The following RASSF3 variants were observed in gnomAD, a reference collection of about 807,000 sequenced individuals.
RASSF3 encodes the protein ras association domain-containing protein 3.
RASSF3 carries 19 observed loss-of-function variants against 19.9 expected under a neutral mutation model. The observed-to-expected ratio is 0.96, with a 90% CI of 0.67 to 1.40. The LOEUF (loss-of-function observed/expected upper bound fraction) is 1.40. Ranked by LOEUF, RASSF3 falls within the 40% of genes most tolerant of loss-of-function variation. The probability of loss-of-function intolerance (pLI) is 0.00; values close to 1 mark genes in which losing one functional copy is unlikely to be tolerated. For synonymous variants in RASSF3, 110 were observed against 104.2 expected (o/e 1.06, Z -0.34); for missense variants, 306 against 289.8 (o/e 1.06, Z -0.41).
chr12:64,690,930 G>A (rs1254065132), intron 3 of RASSF3, among the ~76,000 whole-genome samples: 1 of 151,576 alleles, frequency 6.6e-6, no homozygotes, highest in Non-Finnish European at 1.5e-5. Context: ...GCACGATCTC[G>A]GCTCACTCCA....
rs548383249 is a variant in RASSF3, at chr12:64,581,799, T to G, written c.294+40094T>G. 1.2e-3 allele frequency among the ~76,000 whole-genome samples: 177 copies of G among 147,422 alleles called. 7 individuals are homozygous for G. Among genetic ancestry groups the G allele is most frequent in the African/African-American group, 4.4e-3 (171 of 38,940 alleles). On this transcript the variant is annotated intron_variant, in intron 2 of 5. Coordinates refer to the RASSF3 transcript ENST00000637125. ...TCAAAAGAGATTGACCTTTTTTTTT[T>G]GTTTTTCTTTTTTGTTTCTTCTTTT...
chr12:64,507,318 G>C, exon 1 of RASSF3: 1 of 398,620 alleles, frequency 2.5e-6, no homozygotes, highest in Admixed American at 4.4e-5. Context: ...CTGCTCTGGA[G>C]CCAAGGTGGG....
At chr12:64,601,900 G>A (rs765550107) in intron 2 of RASSF3, among the ~76,000 whole-genome samples, 4 of 151,994 alleles carry the variant, frequency 2.6e-5, no homozygotes, top group Middle Eastern at 3.2e-3. Flanking sequence ...GGCAGATCAC[G>A]AGGTCAGGAG....
At chr12:64,533,153 G>A (rs1048400364), upstream of RASSF3, 2 of 152,330 alleles carry the variant, frequency 1.3e-5, no homozygotes, top group African/African-American at 4.8e-5. Context: ...GAGAGGCCGA[G>A]GGCCTGCTCC....
chr12:64,587,625 C>G (rs1303859168), intron 2 of RASSF3, among the ~76,000 whole-genome samples: 2 of 152,104 alleles, frequency 1.3e-5, no homozygotes, highest in Non-Finnish European at 2.9e-5. Context: ...CCGTCTTCCT[C>G]TCTTTTTCAC....
intron 1 of RASSF3, among the ~76,000 whole-genome samples, chr12:64,625,019 C>T (rs1870937391): frequency 6.6e-6 from 1 of 151,946 alleles, no homozygotes; most frequent in South Asian, 2.1e-4. Context: ...TGCCCCTTTT[C>T]ATTTGAGGGT....
Position 64,514,058 on chromosome 12 carries a change from T to TC in RASSF3, c.169+6729_169+6730insC, listed in dbSNP as rs572303886. Among the ~76,000 whole-genome samples the TC allele has an allele frequency of 5.8e-3, 886 of 151,468 alleles. 3 individuals are homozygous for TC. The highest frequency in any genetic ancestry group is 0.017 in the Middle Eastern group (5 of 294). On this transcript the variant is annotated intron_variant, in intron 1 of 5. Coordinates refer to the RASSF3 transcript ENST00000637125. ...CCACACCCAGCTACTTTTTGCTTTTTTTTTTTTTTTAGTAGAGACGGGGTT... is the reference window on the plus strand; with the variant it reads ...CCACACCCAGCTACTTTTTGCTTTTTCTTTTTTTTTTAGTAGAGACGGGGTT...
chr12:64,620,730 A>G (rs1870726654), intron 1 of RASSF3, among the ~76,000 whole-genome samples: 1 of 152,094 alleles, frequency 6.6e-6, no homozygotes, highest in Non-Finnish European at 1.5e-5. Context: ...GATTAATTTT[A>G]TAGGATAGTT....
intron 1 of RASSF3, among the ~76,000 whole-genome samples, chr12:64,668,680 A>ATTTTTTT (rs34052700): frequency 8.1e-6 from 1 of 124,208 alleles, no homozygotes; most frequent in Non-Finnish European, 1.6e-5. Flanking sequence ...TTTAATTTTG[A>ATTTTTTT]TTTTTTTTTT....
chr12:64,635,937 C>T (rs538084960), intron 1 of RASSF3, among the ~76,000 whole-genome samples: 2 of 152,222 alleles, frequency 1.3e-5, no homozygotes, highest in African/African-American at 4.8e-5. Flanking sequence ...GGCAGTATCT[C>T]TTTTTTATGT....
intron 1 of RASSF3, among the ~76,000 whole-genome samples, chr12:64,514,163 A>G (rs1485089318): frequency 1.4e-5 from 2 of 139,462 alleles, no homozygotes; most frequent in Non-Finnish European, 3.0e-5. Flanking sequence ...CTGGGATTAC[A>G]GGCATGAGCC....
intron 2 of RASSF3, among the ~76,000 whole-genome samples, chr12:64,602,513 G>A (rs757274911): frequency 5.3e-5 from 8 of 151,256 alleles, no homozygotes; most frequent in Non-Finnish European, 7.4e-5. Context: ...CCCGGGAGGC[G>A]GAGGTTGCAG....
At chr12:64,690,031 C>T (rs538432187) in intron 3 of RASSF3, among the ~76,000 whole-genome samples, 28 of 151,958 alleles carry the variant, frequency 1.8e-4, no homozygotes, top group East Asian at 5.8e-4. Context: ...CCTTGTGATC[C>T]GCCCGCCTCA....
At chr12:64,543,442 G>GCCCCCCCGCTCCCCGCC (rs1394328448), downstream of RASSF3, among the ~76,000 whole-genome samples, 1 of 43,268 alleles carries the variant, frequency 2.3e-5, no homozygotes, top group South Asian at 1.0e-3. Context: ...CGCCCCCCCC[G>GCCCCCCCGCTCCCCGCC]TGCCCGCCCG....
At chr12:64,632,329 G>T (rs1470663557) in intron 1 of RASSF3, among the ~76,000 whole-genome samples, 6 of 152,128 alleles carry the variant, frequency 3.9e-5, no homozygotes, top group African/African-American at 1.4e-4. Flanking sequence ...GTGCTTGCCA[G>T]CCTGAGGATT....
At chr12:64,689,381 T>C (rs2136222748) in intron 3 of RASSF3, among the ~76,000 whole-genome samples, 1 of 152,332 alleles carries the variant, frequency 6.6e-6, no homozygotes, top group East Asian at 1.9e-4. Flanking sequence ...TTGCTGAGTA[T>C]GCATACATCT....
At chr12:64,586,491 GAAAAAAAAAAAAA>G in intron 2 of RASSF3, among the ~76,000 whole-genome samples, 1 of 70,134 alleles carries the variant, frequency 1.4e-5, no homozygotes, top group South Asian at 7.0e-4. Context: ...CTCCTTCTCA[GAAAAAAAAAAAAA>G]AAAAAAAAAA....
intron 4 of RASSF3, among the ~76,000 whole-genome samples, chr12:64,693,511 C>T (rs552799702): frequency 3.3e-5 from 5 of 151,904 alleles, no homozygotes; most frequent in Non-Finnish European, 4.4e-5. Context: ...CTCAATCTCC[C>T]GGGCTCAAGC....
At chr12:64,625,616 C>G (rs964598636) in intron 1 of RASSF3, among the ~76,000 whole-genome samples, 1 of 152,142 alleles carries the variant, frequency 6.6e-6, no homozygotes, top group Non-Finnish European at 1.5e-5. Context: ...AACTTAGTCA[C>G]TGTCGTCTTT....
Sources: gnomAD v4.1 joint callset for allele counts (sites outside exome capture counted in the v4.1 genomes callset) on GRCh38, gnomAD v4.1.1 for gene constraint, MANE v1.5 for transcripts, NCBI Gene and HGNC (gene_info 2026-07-23, HGNC 2026-07-21) for gene names.